The following TSPAN7 variants were observed in gnomAD, a reference collection of about 807,000 sequenced individuals.
TSPAN7 encodes tetraspanin-7.
A neutral mutation model predicts 17.6 loss-of-function variants in TSPAN7; 1 was observed. The observed-to-expected ratio is 0.06, with a 90% confidence interval of 0.02 to 0.27. The LOEUF is 0.27. Ranked by LOEUF, TSPAN7 falls within the 10% of genes least tolerant of loss-of-function variation. TSPAN7 has a pLI of 1.00. For missense variants in TSPAN7, 112 were observed against 201.7 expected (o/e 0.56, Z 2.69); for synonymous variants, 78 against 79.0 (o/e 0.99, Z 0.07).
At chrX:38,651,389 C>G (rs1011915262) in intron 1 of TSPAN7, among the ~76,000 whole-genome samples, 60 of 111,376 alleles carry the variant, frequency 5.4e-4, no homozygotes, top group Middle Eastern at 4.7e-3. Context: ...GGCATGAACC[C>G]GGGAGCCGAA....
At chrX:38,673,484 C>T (rs914603065) in intron 3 of TSPAN7, among the ~76,000 whole-genome samples, 2 of 107,174 alleles carry the variant, frequency 1.9e-5, no homozygotes, top group African/African-American at 6.9e-5. Context: ...TCTCTTGACT[C>T]AGCCACCCAA....
intron 1 of TSPAN7, among the ~76,000 whole-genome samples, chrX:38,659,029 CA>C (rs2069723686): frequency 2.2e-5 from 2 of 92,662 alleles, no homozygotes; most frequent in South Asian, 5.6e-4. Flanking sequence ...CACACACACA[CA>C]CACACACACC....
At chrX:38,668,166 C>T (rs1397793661) in intron 2 of TSPAN7, among the ~76,000 whole-genome samples, 3 of 112,146 alleles carry the variant, frequency 2.7e-5, no homozygotes, top group Non-Finnish European at 5.6e-5. Flanking sequence ...GATGTAACCT[C>T]CTTGGACCTT....
intron 1 of TSPAN7, among the ~76,000 whole-genome samples, chrX:38,663,083 C>T (rs1308462893): frequency 9.1e-6 from 1 of 109,982 alleles, no homozygotes; most frequent in African/African-American, 3.3e-5. Context: ...GCACGATTCG[C>T]AATTGCAAAA....
At chrX:38,683,032 T>C (rs905075199) in intron 6 of TSPAN7, among the ~76,000 whole-genome samples, 1 of 111,608 alleles carries the variant, frequency 9.0e-6, no homozygotes, top group Non-Finnish European at 1.9e-5. Context: ...AAAATATTGC[T>C]GAAGTCTCCC....
At chrX:38,580,740 T>A (rs1480125046) in intron 1 of TSPAN7, among the ~76,000 whole-genome samples, 4 of 111,982 alleles carry the variant, frequency 3.6e-5, no homozygotes, top group Non-Finnish European at 7.5e-5. Context: ...TAATTACTCC[T>A]CATTTTGAGA....
intron 6 of TSPAN7, among the ~76,000 whole-genome samples, chrX:38,681,960 G>A (rs191756856): frequency 2.6e-3 from 288 of 111,716 alleles, no homozygotes; most frequent in Admixed American, 7.7e-3. Context: ...TGTAGCCCAC[G>A]TCCACCAGGC....
intron 1 of TSPAN7, among the ~76,000 whole-genome samples, chrX:38,648,649 G>A (rs1018481144): frequency 4.5e-5 from 5 of 111,420 alleles, no homozygotes; most frequent in African/African-American, 6.5e-5. Context: ...ACAGGGTCTC[G>A]CTGTGTTGTC....
In TSPAN7 at chrX:38,612,925, T is replaced by C. The variant is rs2069429049; in HGVS notation, c.81+51298T>C. Among the ~76,000 whole-genome samples, 9 of 112,003 alleles carry C rather than the reference T, an allele frequency of 8.0e-5. No homozygotes were observed. In the South Asian group the frequency reaches 3.4e-3, roughly 42 times the overall value. On this transcript the variant is annotated intron_variant, in intron 1 of 7. Coordinates refer to ENST00000378482, the MANE Select transcript of TSPAN7 (RefSeq NM_004615.4). The stretch of plus-strand genomic sequence containing the variant: ...TCTGAAATGTCACACTAATGGGCCA[T>C]GACATGGGTTTGTTTTCATCCACTA...
intron 1 of TSPAN7, among the ~76,000 whole-genome samples, chrX:38,629,620 T>C (rs1324345986): frequency 9.0e-6 from 1 of 111,005 alleles, no homozygotes; most frequent in East Asian, 2.8e-4. Context: ...GGACGGGAGG[T>C]GTGATGCTTA....
At chrX:38,565,916 C>T (rs2069140803) in intron 1 of TSPAN7, among the ~76,000 whole-genome samples, 1 of 111,296 alleles carries the variant, frequency 9.0e-6, no homozygotes, top group South Asian at 3.8e-4. Flanking sequence ...TGATACTGGC[C>T]TTTCGTGGGT....
chrX:38,603,870 T>TA (rs958828090), intron 1 of TSPAN7, among the ~76,000 whole-genome samples: 3 of 108,228 alleles, frequency 2.8e-5, no homozygotes, highest in Admixed American at 9.9e-5. Context: ...TTTATTTATT[T>TA]TTTATTTTAT....
intron 1 of TSPAN7, among the ~76,000 whole-genome samples, chrX:38,638,047 G>A (rs1340404138): frequency 9.0e-6 from 1 of 110,699 alleles, no homozygotes; most frequent in Non-Finnish European, 1.9e-5. Context: ...AAGTGTTAAG[G>A]ATTCCACACT....
At chrX:38,622,937 C>T (rs569525538) in intron 1 of TSPAN7, 158 of 330,119 alleles carry the variant, frequency 4.8e-4, no homozygotes, top group African/African-American at 3.9e-3. Flanking sequence ...AGCTGGGTTT[C>T]TCCTCATTTA....
intron 1 of TSPAN7, among the ~76,000 whole-genome samples, chrX:38,598,108 A>G (rs779893388): frequency 2.8e-4 from 31 of 111,381 alleles, no homozygotes; most frequent in Non-Finnish European, 4.5e-4. Flanking sequence ...AATATCACAG[A>G]AATCTGTGTC....
chrX:38,561,557 G>A lies in TSPAN7; in HGVS notation c.11G>A (p.Arg4Lys). MAS[R>K]RMETKPVITC... ...CCGGAGCTCTGTAGTATGGCATCGA[G>A]GAGAATGGAGACCAAACCTGTGATA... Residue 4 changes from arginine (R) to lysine (K), a missense_variant, in exon 1 of 8, where the codon AGG becomes AAG. Coordinates refer to ENST00000378482, the MANE Select transcript of TSPAN7 (RefSeq NM_004615.4). The A allele has an allele frequency of 8.3e-7, 1 of 1,199,492 alleles. No homozygotes were observed.
chrX:38,585,079 A>G (rs2069250893), intron 1 of TSPAN7, among the ~76,000 whole-genome samples: 1 of 112,187 alleles, frequency 8.9e-6, no homozygotes, highest in African/African-American at 3.2e-5. Context: ...TTATATGACT[A>G]TACCATAAAT....
intron 1 of TSPAN7, among the ~76,000 whole-genome samples, chrX:38,600,418 A>T (rs1210248982): frequency 9.0e-6 from 1 of 111,425 alleles, no homozygotes; most frequent in Non-Finnish European, 1.9e-5. Context: ...CAGAAATGGA[A>T]GGCCCACTTG....
chrX:38,600,622 G>A (rs2069341243), intron 1 of TSPAN7, among the ~76,000 whole-genome samples: 1 of 111,608 alleles, frequency 9.0e-6, no homozygotes, highest in African/African-American at 3.3e-5. Context: ...TAAATAGGAG[G>A]GATGAGAGGG....
Sources: allele counts gnomAD v4.1 joint callset (sites outside exome capture counted in the v4.1 genomes callset), GRCh38; gene constraint gnomAD v4.1.1; transcripts MANE v1.5; gene names NCBI Gene and HGNC (gene_info 2026-07-23, HGNC 2026-07-21).